ZNF462: variants seen among roughly 807,000 people sequenced by gnomAD.
ZNF462 encodes the protein zinc finger protein 462, also known as zinc finger PBX1-interacting protein.
Under a neutral mutation model 201.9 loss-of-function variants are expected in ZNF462, and 10 were observed. That is an observed-to-expected ratio of 0.05 (90% CI 0.03 to 0.08). ZNF462 has a LOEUF of 0.08. ZNF462 is among the 10% of genes least tolerant of loss of function. ZNF462 has a pLI of 1.00. For synonymous variants in ZNF462, 1,227 were observed against 1,193.3 expected (o/e 1.03, Z -0.58); for missense variants, 2,523 against 3,168.3 (o/e 0.80, Z 4.89).
intron 1 of ZNF462, among the ~76,000 whole-genome samples, chr9:106,864,064 C>CTCTG (rs1564062376): frequency 2.9e-5 from 3 of 102,378 alleles, no homozygotes; most frequent in Non-Finnish European, 4.2e-5. Context: ...CTCTCTCTCT[C>CTCTG]TCTCTCTCTC....
intron 1 of ZNF462, among the ~76,000 whole-genome samples, chr9:106,874,306 G>A (rs946809658): frequency 1.3e-5 from 2 of 152,162 alleles, no homozygotes; most frequent in African/African-American, 4.8e-5. Context: ...CCCTCAGAGA[G>A]CAGCCTGTCT....
intron 1 of ZNF462, among the ~76,000 whole-genome samples, chr9:106,908,940 T>C (rs1829416799): frequency 2.7e-5 from 1 of 36,898 alleles, no homozygotes; most frequent in Non-Finnish European, 4.6e-5. Flanking sequence ...TATATATATA[T>C]ATTTTTTTTT....
In ZNF462 at chr9:106,929,484, A is replaced by G. The variant is rs776382314; in HGVS notation, c.5572A>G (p.Thr1858Ala). 9.3e-6 allele frequency: 15 copies of G among 1,614,038 alleles called. No homozygotes were observed. The Admixed American group carries it at 1.3e-4, about 14-fold the overall frequency. The change falls in exon 3 of 13, where the codon ACT (threonine) becomes GCT (alanine). Residue 1858 changes from threonine to alanine, a missense_variant. Transcript: ENST00000277225. The surrounding 1 kb of genome is among the most constrained non-coding windows in gnomAD (Gnocchi z 8.7). Reference protein sequence around the residue: ...CIKCFKLSFSTAELLCMHYTD... With the variant: ...CIKCFKLSFSAAELLCMHYTD... The stretch of plus-strand genomic sequence containing the variant: ...CAAATGCTTCAAGCTGTCCTTTAGC[A>G]CTGCAGAGCTGCTGTGCATGCATTA...
In ZNF462 at chr9:106,925,539, C is replaced by T. The variant is rs769108582; in HGVS notation, c.1627C>T (p.Pro543Ser). 1.9e-6 allele frequency: 3 copies of T among 1,613,502 alleles called. No individual in the cohort carries two copies. The highest frequency in any genetic ancestry group is 2.2e-5 in the South Asian group (2 of 91,046). The stretch of plus-strand genomic sequence containing the variant: ...GGATCCCTTGCAGCAGCAACAGCCA[C>T]CGCAGCCACCACCACCGCCGCCGCC... ...MLDPLQQQQP[P>S]QPPPPPPPPP... Residue 543 changes from proline (P) to serine (S), a missense_variant, in exon 3 of 13, where the codon CCG becomes TCG. By Grantham distance (74) the Pro-to-Ser change is moderately conservative. Around this residue, in one of 15 missense-constraint regions of ZNF462, gnomAD observed 383 missense variants for 453.4 expected, o/e 0.84. Transcript: ENST00000277225. This position sits in a 1 kb window ranked among gnomAD's most constrained non-coding sequence, Gnocchi z 7.9.
At chr9:106,942,417 C>G (rs563028025) in intron 7 of ZNF462, among the ~76,000 whole-genome samples, 171 of 152,294 alleles carry the variant, frequency 1.1e-3, no homozygotes, top group African/African-American at 4.0e-3. Context: ...TCTGAGCTGT[C>G]AGTGTTGACA....
intron 10 of ZNF462, among the ~76,000 whole-genome samples, chr9:106,988,268 A>G (rs549570440): frequency 2.0e-5 from 3 of 146,898 alleles, no homozygotes; most frequent in Non-Finnish European, 4.6e-5. Context: ...ACAGGCAAAA[A>G]GAGAAGGAGG....
chr9:106,984,480 C>A lies in ZNF462; in HGVS notation c.7056+71C>A. 8.1e-7 allele frequency: 1 copy of A among 1,229,060 alleles called. No homozygotes were observed. Among genetic ancestry groups the A allele is most frequent in the Non-Finnish European group, 1.2e-6 (1 of 867,518 alleles). 76.1% of individuals were successfully genotyped at this position (1,229,060 alleles called of 1,614,324 possible). On this transcript the variant is annotated intron_variant, in intron 10 of 12. Coordinates refer to ENST00000277225, the MANE Select transcript of ZNF462 (RefSeq NM_021224.6). This position sits in a 1 kb window ranked among gnomAD's most constrained non-coding sequence, Gnocchi z 6.4. ...AGGGGCCAAGGGGGAGACACCACTG[C>A]ATTTAGTCACGACCACTGTGTACCA...
chr9:106,898,053 C>T (rs1366014049), intron 1 of ZNF462, among the ~76,000 whole-genome samples: 1 of 152,220 alleles, frequency 6.6e-6, no homozygotes, highest in East Asian at 1.9e-4. Flanking sequence ...TTATACATTT[C>T]TCAAAAGGGA....
chr9:106,990,950 G>A (rs570885319), intron 10 of ZNF462, among the ~76,000 whole-genome samples: 9 of 152,110 alleles, frequency 5.9e-5, no homozygotes, highest in African/African-American at 1.9e-4. Context: ...ATTTGTTAGG[G>A]GGAAAGATAT....
Position 106,927,032 on chromosome 9 carries a change from C to T in ZNF462, c.3120C>T (p.Pro1040=). The T allele has an allele frequency of 6.2e-7, 1 of 1,614,100 alleles. No individual in the cohort carries two copies. The highest frequency in any genetic ancestry group is 1.1e-5 in the South Asian group (1 of 91,048). The part of the protein sequence containing the change: ...YDCDVCSFAS[P]NMHSVLVHYQ... ...GTGATGTTTGTTCGTTTGCAAGCCC[C>T]AACATGCATTCTGTCTTGGTTCATT... is the stretch of plus-strand genomic sequence containing the variant. The change falls in exon 3 of 13, where the codon CCC becomes CCT. Residue 1040 remains proline (P), a synonymous_variant. Transcript: ENST00000277225.
In ZNF462 at chr9:106,954,780, C is replaced by T. The variant is rs1208151476; in HGVS notation, c.6427+15673C>T. Among the ~76,000 whole-genome samples, 1 of 152,118 alleles carries T rather than the reference C, an allele frequency of 6.6e-6. No individual in the cohort carries two copies. Among genetic ancestry groups the T allele is most frequent in the Non-Finnish European group, 1.5e-5 (1 of 68,026 alleles). On this transcript the variant is annotated intron_variant, in intron 7 of 12. Transcript: ENST00000277225. The surrounding 1 kb of genome is among the most constrained non-coding windows in gnomAD (Gnocchi z 4.0). ...TGTGAGTCAACTCTTCCTCTGAAAT[C>T]CCTCAATGCTGTGCCCTACCTCTCT...
chr9:106,910,088 T>C (rs1564091574), intron 1 of ZNF462, among the ~76,000 whole-genome samples: 1 of 152,156 alleles, frequency 6.6e-6, no homozygotes, highest in Non-Finnish European at 1.5e-5. Context: ...ATCATCAACA[T>C]TGTTTTTGAT....
chr9:106,916,431 A>G (rs1829777476), intron 1 of ZNF462, among the ~76,000 whole-genome samples: 1 of 152,228 alleles, frequency 6.6e-6, no homozygotes, highest in Non-Finnish European at 1.5e-5. Context: ...CATATCTGCA[A>G]CTTCCCTTTA....
At position 106,917,398 on chromosome 9, in the gene ZNF462, G is replaced by A. The variant is rs1829817345; in HGVS notation, c.-30-5956G>A. 6.6e-6 allele frequency among the ~76,000 whole-genome samples: 1 copy of A among 152,204 alleles called. No individual in the cohort carries two copies. Among genetic ancestry groups the A allele is most frequent in the Non-Finnish European group, 1.5e-5 (1 of 68,042 alleles). On this transcript the variant is annotated intron_variant, in intron 1 of 12. Coordinates refer to ENST00000277225, the MANE Select transcript of ZNF462 (RefSeq NM_021224.6). The surrounding 1 kb of genome is among the most constrained non-coding windows in gnomAD (Gnocchi z 4.5). ...TGGGTTATTAATCTGCAAATTGCCT[G>A]CTTCAGACTTTGTGCTTATATACAA...
upstream of ZNF462, chr9:106,863,020 G>C (rs1292542804): frequency 1.8e-5 from 7 of 394,176 alleles, no homozygotes; most frequent in African/African-American, 1.5e-4. Context: ...ACAGAGGGAG[G>C]GAGAGAGAGA....
At position 106,926,220 on chromosome 9, in the gene ZNF462, A is replaced by G; in HGVS notation, c.2308A>G (p.Lys770Glu). Residue 770 changes from lysine (K) to glutamate (E), a missense_variant, in exon 3 of 13, where the codon AAA becomes GAA. By Grantham distance (56) the Lys-to-Glu change is moderately conservative. Around this residue, in one of 15 missense-constraint regions of ZNF462, gnomAD observed 383 missense variants for 453.4 expected, o/e 0.84. Transcript: ENST00000277225. This position sits in a 1 kb window ranked among gnomAD's most constrained non-coding sequence, Gnocchi z 7.9. The part of the protein sequence containing the change: ...IWVRDTSEPQ[K>E]EPNFRNITHD... ...GGTAAGAGATACCAGTGAGCCCCAG[A>G]AAGAGCCCAACTTCAGAAACATCAC... is the stretch of plus-strand genomic sequence containing the variant. 6.2e-7 allele frequency: 1 copy of G among 1,614,226 alleles called. No homozygotes were observed. The highest frequency in any genetic ancestry group is 8.5e-7 in the Non-Finnish European group (1 of 1,180,042).
At chr9:106,875,497 T>C (rs141845225) in intron 1 of ZNF462, among the ~76,000 whole-genome samples, 209 of 152,372 alleles carry the variant, frequency 1.4e-3, no homozygotes, top group Admixed American at 2.7e-3. Flanking sequence ...GTGTTTAAGA[T>C]AATGCCTTAG....
Position 106,972,060 on chromosome 9 carries a change from A to T in ZNF462, c.6483A>T (p.Ser2161=). Residue 2161 remains serine, a synonymous_variant, in exon 8 of 13, where the codon TCA becomes TCT. Coordinates refer to ENST00000277225, the MANE Select transcript of ZNF462 (RefSeq NM_021224.6). This position sits in a 1 kb window ranked among gnomAD's most constrained non-coding sequence, Gnocchi z 4.8. ...AGCAGCAGTTGAACCACTATCAGTC[A>T]GCTGCCCTGGCAAGGAACAACAGCC... The part of the protein sequence containing the change: ...DVQQQLNHYQ[S]AALARNNSRV... 1 of 1,614,198 alleles carries T rather than the reference A, an allele frequency of 6.2e-7. No individual in the cohort carries two copies. Among genetic ancestry groups the T allele is most frequent in the Non-Finnish European group, 8.5e-7 (1 of 1,180,026 alleles).
chr9:106,923,974 T>C lies in ZNF462; in HGVS notation c.221-159T>C, dbSNP rs1020431113. 6.6e-6 allele frequency among the ~76,000 whole-genome samples: 1 copy of C among 152,224 alleles called. No homozygotes were observed. The highest frequency in any genetic ancestry group is 2.4e-5 in the African/African-American group (1 of 41,462). ...AGAAGGTGCAGTACGTATATCTTCA[T>C]TGATGCTTTGTGAATACTCTTCAAG... On this transcript the variant is annotated intron_variant, in intron 2 of 12. Transcript: ENST00000277225. This position sits in a 1 kb window ranked among gnomAD's most constrained non-coding sequence, Gnocchi z 5.6.
Sources: gnomAD v4.1 joint callset for allele counts (sites outside exome capture counted in the v4.1 genomes callset) on GRCh38, gnomAD v4.1.1 for gene constraint, gnomAD v4.1.1 regional missense constraint, Gnocchi (gnomAD v3.1) non-coding constraint, MANE v1.5 for transcripts, NCBI Gene and HGNC (gene_info 2026-07-23, HGNC 2026-07-21) for gene names.